GRIK2: variants seen among roughly 807,000 people sequenced by gnomAD.
GRIK2 encodes the protein glutamate receptor ionotropic, kainate 2.
Under a neutral mutation model 100.3 loss-of-function variants are expected in GRIK2, and 32 were observed. The observed-to-expected ratio is 0.32, with a 90% CI of 0.24 to 0.43. The LOEUF is 0.43. Among genes scored for constraint, GRIK2 ranks in the 20% least tolerant of loss-of-function variants. The probability of loss-of-function intolerance (pLI) is 1.00; values close to 1 mark genes in which losing one functional copy is unlikely to be tolerated. For missense variants in GRIK2, 843 were observed against 1,114.9 expected (o/e 0.76, Z 3.47); for synonymous variants, 417 against 389.4 (o/e 1.07, Z -0.83).
intron 7 of GRIK2, among the ~76,000 whole-genome samples, chr6:101,764,004 A>T (rs1209720974): frequency 6.6e-6 from 1 of 152,152 alleles, no homozygotes; most frequent in African/African-American, 2.4e-5. Flanking sequence ...AAGGAAGGTG[A>T]TCCCAAGATC....
chr6:101,503,763 T>C (rs1400498445), intron 2 of GRIK2, among the ~76,000 whole-genome samples: 4 of 152,180 alleles, frequency 2.6e-5, no homozygotes, highest in African/African-American at 9.6e-5. Flanking sequence ...TTTCCCTGTT[T>C]CTTAATTAGT....
At chr6:101,525,846 G>A (rs921250984) in intron 2 of GRIK2, among the ~76,000 whole-genome samples, 1 of 152,170 alleles carries the variant, frequency 6.6e-6, no homozygotes, top group East Asian at 1.9e-4. Flanking sequence ...TATTAATCAC[G>A]CTCACAATTT....
chr6:101,405,726 G>A (rs1775558841), intron 2 of GRIK2, among the ~76,000 whole-genome samples: 1 of 152,088 alleles, frequency 6.6e-6, no homozygotes, highest in African/African-American at 2.4e-5. Flanking sequence ...TTAACATTGG[G>A]AACATTGAAG....
chr6:101,800,796 C>G (rs1780621224), intron 8 of GRIK2, among the ~76,000 whole-genome samples: 1 of 152,024 alleles, frequency 6.6e-6, no homozygotes, highest in Non-Finnish European at 1.5e-5. Context: ...GTCCACAGGT[C>G]TGGCGAGATG....
chr6:101,487,263 C>G lies in GRIK2; in HGVS notation c.115+87871C>G, dbSNP rs1342950969. 2.1e-5 allele frequency among the ~76,000 whole-genome samples: 3 copies of G among 146,106 alleles called. 1 individual carries two copies. Among genetic ancestry groups the G allele is most frequent in the African/African-American group, 7.9e-5 (3 of 38,216 alleles). On this transcript the variant is annotated intron_variant, in intron 2 of 16. Transcript: ENST00000369134. ...ATCCCAGGCTATTTTTCTTATGAAC[C>G]ATGAGTTTTATTTCCATGAAACACT...
chr6:101,880,019 C>T (rs553837675), intron 11 of GRIK2, among the ~76,000 whole-genome samples: 42 of 151,996 alleles, frequency 2.8e-4, no homozygotes, highest in South Asian at 8.3e-4. Context: ...TTTAAATAAC[C>T]GACAAGTTGA....
At chr6:101,856,776 A>C (rs565530187) in intron 10 of GRIK2, among the ~76,000 whole-genome samples, 1 of 152,252 alleles carries the variant, frequency 6.6e-6, no homozygotes, top group African/African-American at 2.4e-5. Flanking sequence ...ATCCTAACTA[A>C]TTTTCTGACA....
At chr6:101,782,576 T>C (rs574670318) in intron 7 of GRIK2, among the ~76,000 whole-genome samples, 3 of 152,352 alleles carry the variant, frequency 2.0e-5, no homozygotes, top group African/African-American at 4.8e-5. Flanking sequence ...CTATTGTGTA[T>C]ATATCCTACA....
In GRIK2 at chr6:101,634,541, C is replaced by T. The variant is rs183615882; in HGVS notation, c.541+7904C>T. Among the ~76,000 whole-genome samples, 317 of 151,990 alleles carry T rather than the reference C, an allele frequency of 2.1e-3. 1 individual carries two copies. The highest frequency in any genetic ancestry group is 3.5e-3 in the Non-Finnish European group (235 of 67,942). On this transcript the variant is annotated intron_variant, in intron 4 of 16. Coordinates refer to ENST00000369134, the MANE Select transcript of GRIK2 (RefSeq NM_021956.5). Reference sequence around the variant, plus strand: ...ATGCTTCCATTGGCATTTTGCTGTGCCCTTCATTTGAACTTCTTTGTAGTA... The same window carrying T: ...ATGCTTCCATTGGCATTTTGCTGTGTCCTTCATTTGAACTTCTTTGTAGTA...
At chr6:101,766,485 A>G (rs889414946) in intron 7 of GRIK2, among the ~76,000 whole-genome samples, 3 of 152,166 alleles carry the variant, frequency 2.0e-5, no homozygotes, top group Non-Finnish European at 1.5e-5. Context: ...TGGAAGAATA[A>G]TATCTTCTAC....
At chr6:102,053,347 C>A (rs1257308326) in intron 15 of GRIK2, among the ~76,000 whole-genome samples, 1 of 152,066 alleles carries the variant, frequency 6.6e-6, no homozygotes, top group African/African-American at 2.4e-5. Flanking sequence ...TGGCACCATG[C>A]TAGATATAGC....
intron 2 of GRIK2, among the ~76,000 whole-genome samples, chr6:101,444,647 C>A (rs896478560): frequency 6.6e-6 from 1 of 152,000 alleles, no homozygotes; most frequent in Non-Finnish European, 1.5e-5. Flanking sequence ...TAAAAATTTT[C>A]AATTCAGGAA....
rs1391178790 is a variant in GRIK2, at chr6:101,911,211, G to A, written c.1749-13390G>A. Among the ~76,000 whole-genome samples, 4 of 151,420 alleles carry A rather than the reference G, an allele frequency of 2.6e-5. No homozygotes were observed. In the South Asian group the frequency reaches 8.3e-4, roughly 31 times the overall value. Reference sequence around the variant, plus strand: ...GAGGAAGAAAGAAGGAATAATGAATGCCAATCAGGAAGTTGGGGCTATAGC... The same window carrying A: ...GAGGAAGAAAGAAGGAATAATGAATACCAATCAGGAAGTTGGGGCTATAGC... On this transcript the variant is annotated intron_variant, in intron 12 of 16. Coordinates refer to ENST00000369134, the MANE Select transcript of GRIK2 (RefSeq NM_021956.5).
At chr6:101,427,707 T>C (rs1179606086) in intron 2 of GRIK2, among the ~76,000 whole-genome samples, 2 of 152,148 alleles carry the variant, frequency 1.3e-5, no homozygotes, top group Admixed American at 6.6e-5. Flanking sequence ...AAATATAAAA[T>C]TTTGGGTAGA....
chr6:101,556,321 A>ATTTTT (rs10528480), intron 2 of GRIK2, among the ~76,000 whole-genome samples: 1,020 of 59,334 alleles, frequency 0.017, 242 homozygotes, highest in Non-Finnish European at 0.026. Context: ...TATATTGGTA[A>ATTTTT]TTTTTTTTTT....
intron 9 of GRIK2, among the ~76,000 whole-genome samples, chr6:101,815,785 A>G (rs1358166666): frequency 6.6e-6 from 1 of 152,204 alleles, no homozygotes; most frequent in East Asian, 1.9e-4. Context: ...GTTTTGAATC[A>G]TGTAGTTGAC....
intron 2 of GRIK2, among the ~76,000 whole-genome samples, chr6:101,500,069 A>G (rs1253026158): frequency 6.6e-6 from 1 of 152,158 alleles, no homozygotes; most frequent in Admixed American, 6.6e-5. Context: ...TATGGATATA[A>G]GAACTTGAAA....
chr6:101,720,723 T>C (rs1019529009), intron 7 of GRIK2, among the ~76,000 whole-genome samples: 6 of 150,984 alleles, frequency 4.0e-5, no homozygotes, highest in Admixed American at 2.0e-4. Context: ...ATTTAAAAGG[T>C]CCTAGAAGGA....
At chr6:101,579,576 G>A (rs1777966398) in intron 2 of GRIK2, among the ~76,000 whole-genome samples, 1 of 151,300 alleles carries the variant, frequency 6.6e-6, no homozygotes, top group African/African-American at 2.4e-5. Flanking sequence ...ATTTGGGCCG[G>A]GCATGGTGGA....
Sources: allele counts gnomAD v4.1 joint callset (sites outside exome capture counted in the v4.1 genomes callset), GRCh38; gene constraint gnomAD v4.1.1; transcripts MANE v1.5; gene names NCBI Gene and HGNC (gene_info 2026-07-23, HGNC 2026-07-21).